CSNK1G3: variants seen among roughly 807,000 people sequenced by gnomAD.
CSNK1G3 encodes the protein casein kinase I isoform gamma-3.
In CSNK1G3, 23 loss-of-function variants were observed where a neutral mutation model predicts 64.3. The ratio of observed to expected loss-of-function variants is 0.36; its 90% CI spans 0.26 to 0.51. The LOEUF (loss-of-function observed/expected upper bound fraction) is 0.51. CSNK1G3 is among the 20% of genes least tolerant of loss of function. CSNK1G3 has a pLI of 0.96. For missense variants in CSNK1G3, 357 were observed against 510.5 expected (o/e 0.70, Z 2.90); for synonymous variants, 158 against 162.2 (o/e 0.97, Z 0.20).
At chr5:123,548,286 C>T (rs1468205974) in intron 2 of CSNK1G3, among the ~76,000 whole-genome samples, 1 of 151,926 alleles carries the variant, frequency 6.6e-6, no homozygotes, top group Non-Finnish European at 1.5e-5. Context: ...TAGTGAGAGC[C>T]TATCTCTACA....
chr5:123,551,109 G>A (rs1362877761), intron 2 of CSNK1G3, among the ~76,000 whole-genome samples: 1 of 152,096 alleles, frequency 6.6e-6, no homozygotes, highest in African/African-American at 2.4e-5. Context: ...TTGTGTACTT[G>A]TGAATAAACA....
chr5:123,584,447 G>A (rs547826707), intron 6 of CSNK1G3, among the ~76,000 whole-genome samples: 16 of 152,150 alleles, frequency 1.1e-4, no homozygotes, highest in East Asian at 5.8e-4. Context: ...TTAATTTGGC[G>A]AATTACATTG....
At chr5:123,536,820 A>G (rs759150663) in intron 1 of CSNK1G3, among the ~76,000 whole-genome samples, 4 of 152,188 alleles carry the variant, frequency 2.6e-5, no homozygotes, top group Non-Finnish European at 4.4e-5. Flanking sequence ...CACATGGCCA[A>G]TGGCATAATA....
At chr5:123,541,610 T>C (rs1057170950) in intron 1 of CSNK1G3, among the ~76,000 whole-genome samples, 2 of 152,044 alleles carry the variant, frequency 1.3e-5, no homozygotes, top group Admixed American at 6.6e-5. Context: ...TTTTGTATTT[T>C]TATTAGAGGC....
chr5:123,581,099 AG>A (rs1790151841), intron 6 of CSNK1G3, among the ~76,000 whole-genome samples: 1 of 151,840 alleles, frequency 6.6e-6, no homozygotes, highest in African/African-American at 2.4e-5. Flanking sequence ...GCTTTTTTGC[AG>A]TTTAAAAACA....
intron 1 of CSNK1G3, among the ~76,000 whole-genome samples, chr5:123,521,684 G>T (rs528738687): frequency 1.3e-5 from 2 of 152,062 alleles, no homozygotes; most frequent in Non-Finnish European, 2.9e-5. Context: ...TTTCTTCTGT[G>T]ACAGAGTAAA....
chr5:123,570,668 A>G (rs1015563358), intron 4 of CSNK1G3, among the ~76,000 whole-genome samples: 1 of 152,148 alleles, frequency 6.6e-6, no homozygotes, highest in Non-Finnish European at 1.5e-5. Flanking sequence ...CAGTCCTTTC[A>G]TTGAAGAAGT....
At chr5:123,610,456 A>G (rs996632068) in intron 12 of CSNK1G3, among the ~76,000 whole-genome samples, 1 of 152,164 alleles carries the variant, frequency 6.6e-6, no homozygotes, top group Non-Finnish European at 1.5e-5. Context: ...TAAGAACATC[A>G]TATCCAGATA....
chr5:123,552,000 T>C (rs1287360906), intron 2 of CSNK1G3, among the ~76,000 whole-genome samples: 1 of 152,188 alleles, frequency 6.6e-6, no homozygotes, highest in Non-Finnish European at 1.5e-5. Context: ...TGCTGACCAA[T>C]TGGAATTTTC....
At chr5:123,574,183 T>A (rs2150710253) in intron 5 of CSNK1G3, among the ~76,000 whole-genome samples, 1 of 152,240 alleles carries the variant, frequency 6.6e-6, no homozygotes, top group Non-Finnish European at 1.5e-5. Flanking sequence ...TAATAGACTT[T>A]ATGACCTGGA....
chr5:123,581,360 G>GTTTTTTTTTTTTT (rs10612602), intron 6 of CSNK1G3, among the ~76,000 whole-genome samples: 5 of 81,604 alleles, frequency 6.1e-5, no homozygotes, highest in Non-Finnish European at 6.9e-5. Flanking sequence ...TTTTGGGTTT[G>GTTTTTTTTTTTTT]TTTTTTTTTT....
intron 12 of CSNK1G3, among the ~76,000 whole-genome samples, chr5:123,609,584 A>C (rs1795957612): frequency 6.6e-6 from 1 of 152,184 alleles, no homozygotes; most frequent in African/African-American, 2.4e-5. Flanking sequence ...AGAGGTATAA[A>C]AATTATAATA....
chr5:123,515,006 T>C (rs1776894971), intron 1 of CSNK1G3, among the ~76,000 whole-genome samples: 1 of 152,174 alleles, frequency 6.6e-6, no homozygotes, highest in Non-Finnish European at 1.5e-5. Context: ...TTTCTATCAT[T>C]GGCACTACTG....
At chr5:123,545,777 G>A (rs745711542) in exon 2 of CSNK1G3, 1 of 1,613,734 alleles carries the variant, frequency 6.2e-7, no homozygotes, top group South Asian at 1.1e-5. Flanking sequence ...GAGTTTTAAT[G>A]GTTGGACCTA....
chr5:123,588,209 C>G, intron 7 of CSNK1G3, 56 bp downstream of exon 7: 2 of 1,300,170 alleles, frequency 1.5e-6, no homozygotes, highest in Non-Finnish European at 1.1e-6. Context: ...ATATTAAGGT[C>G]CTGTCTTCCA....
chr5:123,531,164 A>G (rs1175774199), intron 1 of CSNK1G3, among the ~76,000 whole-genome samples: 2 of 152,162 alleles, frequency 1.3e-5, no homozygotes, highest in African/African-American at 2.4e-5. Context: ...ACATTTGACT[A>G]TAAATTTTGA....
At chr5:123,512,637 C>T (rs1290205287) in intron 1 of CSNK1G3, 67 bp downstream of exon 1, 2 of 147,326 alleles carry the variant, frequency 1.4e-5, no homozygotes. Flanking sequence ...GGCGCGGCCG[C>T]GGCGCCCTCC....
chr5:123,573,948 C>G (rs1029447228), intron 5 of CSNK1G3, among the ~76,000 whole-genome samples: 6 of 150,792 alleles, frequency 4.0e-5, no homozygotes, highest in African/African-American at 7.3e-5. Context: ...CTCCCGGGTT[C>G]AAGCAATTCT....
intron 1 of CSNK1G3, among the ~76,000 whole-genome samples, chr5:123,522,165 T>G (rs1778222047): frequency 6.6e-6 from 1 of 152,130 alleles, no homozygotes; most frequent in South Asian, 2.1e-4. Flanking sequence ...TGGCTTCTGC[T>G]CATAGCTTCA....
Sources: allele counts gnomAD v4.1 joint callset (sites outside exome capture counted in the v4.1 genomes callset), GRCh38; gene constraint gnomAD v4.1.1; transcripts MANE v1.5; gene names NCBI Gene and HGNC (gene_info 2026-07-23, HGNC 2026-07-21).